UBAP2L: variants seen among roughly 807,000 people sequenced by gnomAD.
UBAP2L encodes the protein ubiquitin-associated protein 2-like.
In UBAP2L, 12 loss-of-function variants were observed where a neutral mutation model predicts 130.6. The observed-to-expected ratio is 0.09, with a 90% CI of 0.06 to 0.15. The LOEUF (loss-of-function observed/expected upper bound fraction) is 0.15. Among genes scored for constraint, UBAP2L ranks in the 10% least tolerant of loss-of-function variants. The pLI is 1.00. For synonymous variants in UBAP2L, 503 were observed against 524.7 expected (o/e 0.96, Z 0.57); for missense variants, 965 against 1,332.5 (o/e 0.72, Z 4.29).
Position 154,254,884 on chromosome 1 carries a change from G to T in UBAP2L, c.1903G>T (p.Val635Phe), listed in dbSNP as rs1207717493. ...QATQLQTTQSVEGATGSAVKS... is the reference protein window; with the variant it reads ...QATQLQTTQSFEGATGSAVKS... ...CACGCAGTTACAGACCACACAATCTGTTGAAGGTGAGTGTTCTTCAGGCTT... is the reference window on the plus strand; with the variant it reads ...CACGCAGTTACAGACCACACAATCTTTTGAAGGTGAGTGTTCTTCAGGCTT... Residue 635 changes from valine (V) to phenylalanine (F), a missense_variant, in exon 16 of 27, where the codon GTT becomes TTT. Val to Phe is a conservative substitution (Grantham distance 50, BLOSUM62 -1). Coordinates refer to ENST00000428931, the MANE Select transcript of UBAP2L (RefSeq NM_014847.4). The T allele has an allele frequency of 1.3e-6, 2 of 1,598,596 alleles. No individual in the cohort carries two copies. Among genetic ancestry groups the T allele is most frequent in the Middle Eastern group, 1.7e-4 (1 of 5,998 alleles).
At position 154,254,079 on chromosome 1, in the gene UBAP2L, C is replaced by T; in HGVS notation, c.1844C>T (p.Thr615Ile). ...SISSSPQKDL[T>I]QAKNGFSSVQ... ...TCTTCATCACCCCAAAAGGACCTGA[C>T]TCAGGCAAAGGTAGTGGCTTCATGA... is the stretch of plus-strand genomic sequence containing the variant. The change falls in exon 15 of 27, where the codon ACT (threonine) becomes ATT (isoleucine). Residue 615 changes from threonine to isoleucine, a missense_variant. Transcript: ENST00000428931. The T allele has an allele frequency of 6.4e-7, 1 of 1,561,298 alleles. No individual in the cohort carries two copies.
At position 154,228,622 on chromosome 1, in the gene UBAP2L, A is replaced by C; in HGVS notation, c.176A>C (p.Asp59Ala). The change falls in exon 4 of 27, where the codon GAT becomes GCT. Residue 59 changes from aspartate (D) to alanine (A), a missense_variant. Transcript: ENST00000428931. Reference protein sequence around the residue: ...DFEEKVKQLIDITGKNQDECV... With the variant: ...DFEEKVKQLIAITGKNQDECV... ...CTGTTTTTTCTCTTTCAGTTGATTG[A>C]TATTACAGGCAAGAACCAGGATGAA... The C allele has an allele frequency of 6.2e-7, 1 of 1,613,078 alleles. No individual in the cohort carries two copies. Among genetic ancestry groups the C allele is most frequent in the Non-Finnish European group, 8.5e-7 (1 of 1,179,240 alleles).
chr1:154,260,669 C>T lies in UBAP2L; in HGVS notation c.2579-223C>T, dbSNP rs146982356. The stretch of plus-strand genomic sequence containing the variant: ...GTGCCTTATTCCAAGAGCCTCCTGC[C>T]ATAGCATTGCACAGTTATTCAACAT... On this transcript the variant is annotated intron_variant, in intron 22 of 26. Transcript: ENST00000428931. Among the ~76,000 whole-genome samples, 3 of 152,306 alleles carry T rather than the reference C, an allele frequency of 2.0e-5. No homozygotes were observed. The East Asian group carries it at 5.8e-4, about 29-fold the overall frequency.
At chr1:154,266,707 G>A in intron 25 of UBAP2L, 139 bp downstream of exon 25, 1 of 865,942 alleles carries the variant, frequency 1.2e-6, no homozygotes, top group Admixed American at 2.2e-5. Context: ...TAAATGAAAG[G>A]TCTTCTCTAG....
chr1:154,253,987 A>C lies in UBAP2L; in HGVS notation c.1752A>C (p.Gln584His), dbSNP rs755348678. 1 of 1,613,852 alleles carries C rather than the reference A, an allele frequency of 6.2e-7. No individual in the cohort carries two copies. The highest frequency in any genetic ancestry group is 8.5e-7 in the Non-Finnish European group (1 of 1,179,992). ...GPIQSTTYTS[Q>H]NNAQGPLYEQ... is the part of the protein sequence containing the mutation. ...TTCAGTCGACAACCTATACCTCCCA[A>C]AATAATGCTCAGGGCCCTCTTTATG... The change falls in exon 15 of 27, where the codon CAA becomes CAC. Residue 584 changes from glutamine to histidine, a missense_variant. Coordinates refer to ENST00000428931, the MANE Select transcript of UBAP2L (RefSeq NM_014847.4).
intron 10 of UBAP2L, among the ~76,000 whole-genome samples, chr1:154,243,873 C>T (rs1395068697): frequency 6.6e-6 from 1 of 152,142 alleles, no homozygotes. Flanking sequence ...AAAGATCAGC[C>T]TTTCATATCA....
At chr1:154,258,828 TC>T in intron 20 of UBAP2L, 148 bp from the exon 21 acceptor site, 2 of 626,014 alleles carry the variant, frequency 3.2e-6, no homozygotes, top group South Asian at 3.9e-5. Context: ...TACTGCTTTT[TC>T]CTTAAATAAA....
chr1:154,233,964 A>T (rs954067700), intron 4 of UBAP2L, among the ~76,000 whole-genome samples: 1 of 151,960 alleles, frequency 6.6e-6, no homozygotes, highest in Non-Finnish European at 1.5e-5. Flanking sequence ...ACTGAATTAG[A>T]TAGAGGTCTT....
intron 25 of UBAP2L, 151 bp downstream of exon 25, chr1:154,266,719 C>A: frequency 1.3e-6 from 1 of 778,598 alleles, no homozygotes; most frequent in Non-Finnish European, 2.1e-6. Flanking sequence ...CTTCTCTAGA[C>A]TTCACTTCCT....
At chr1:154,220,344 G>C, upstream of UBAP2L, 1 of 1,614,230 alleles carries the variant, frequency 6.2e-7, no homozygotes, top group Non-Finnish European at 8.5e-7. Flanking sequence ...CTCCTCACCA[G>C]GCTCCCGTAG....
chr1:154,257,325 A>C, intron 19 of UBAP2L, 21 bp from the exon 20 acceptor site: 1 of 1,614,206 alleles, frequency 6.2e-7, no homozygotes, highest in South Asian at 1.1e-5. Context: ...TGATGGGATA[A>C]AAATGTAATT....
intron 4 of UBAP2L, among the ~76,000 whole-genome samples, chr1:154,232,858 G>T (rs546400014): frequency 2.0e-5 from 3 of 152,002 alleles, no homozygotes; most frequent in African/African-American, 7.2e-5. Context: ...CACCATACTT[G>T]GCTAATTTTT....
intron 4 of UBAP2L, among the ~76,000 whole-genome samples, chr1:154,234,356 C>T (rs1325301029): frequency 6.6e-6 from 1 of 151,712 alleles, no homozygotes; most frequent in Non-Finnish European, 1.5e-5. Flanking sequence ...GAGCGAGACT[C>T]TGTCTCAAAA....
intron 24 of UBAP2L, among the ~76,000 whole-genome samples, chr1:154,265,070 A>G (rs556026792): frequency 1.3e-5 from 2 of 152,136 alleles, no homozygotes; most frequent in African/African-American, 2.4e-5. Flanking sequence ...ATGAGGAAGT[A>G]TTTTCTCTTG....
intron 10 of UBAP2L, among the ~76,000 whole-genome samples, chr1:154,244,305 A>G (rs1174209047): frequency 6.6e-6 from 1 of 152,130 alleles, no homozygotes; most frequent in Non-Finnish European, 1.5e-5. Context: ...GGTTCCCATG[A>G]CCGCCTTTCA....
At chr1:154,263,856 G>A (rs184014447) in intron 24 of UBAP2L, among the ~76,000 whole-genome samples, 8 of 152,314 alleles carry the variant, frequency 5.3e-5, no homozygotes, top group Admixed American at 3.3e-4. Context: ...AGTTTTCAGA[G>A]CTGTTAGAGA....
At chr1:154,249,172 T>G in intron 11 of UBAP2L, 67 bp from the exon 12 acceptor site, 1 of 1,511,056 alleles carries the variant, frequency 6.6e-7, no homozygotes. Context: ...TCTGGATAAG[T>G]GTCTTTATGA....
intron 26 of UBAP2L, 39 bp from the exon 27 acceptor site, chr1:154,270,161 C>CA (rs1393141260): frequency 6.5e-7 from 1 of 1,540,380 alleles, no homozygotes; most frequent in Non-Finnish European, 8.7e-7. Flanking sequence ...ACTAACTAGA[C>CA]ACCTTTTTCC....
At chr1:154,253,036 T>C (rs1678323253) in intron 14 of UBAP2L, among the ~76,000 whole-genome samples, 1 of 152,046 alleles carries the variant, frequency 6.6e-6, no homozygotes, top group African/African-American at 2.4e-5. Flanking sequence ...AGAGTCTTGC[T>C]CTTGTCACAC....
Sources: allele counts gnomAD v4.1 joint callset (sites outside exome capture counted in the v4.1 genomes callset), GRCh38; gene constraint gnomAD v4.1.1; transcripts MANE v1.5; gene names NCBI Gene and HGNC (gene_info 2026-07-23, HGNC 2026-07-21).